Variants in PCLO observed in about 807,000 individuals in gnomAD.
PCLO encodes piccolo presynaptic cytomatrix protein, also known as protein piccolo.
Under a neutral mutation model 427.5 loss-of-function variants are expected in PCLO, and 82 were observed. That is an observed-to-expected ratio of 0.19 (90% CI 0.16 to 0.23). The LOEUF (loss-of-function observed/expected upper bound fraction) is 0.23. Among genes scored for constraint, PCLO ranks in the 10% least tolerant of loss-of-function variants. PCLO has a pLI of 1.00. For synonymous variants in PCLO, 2,357 were observed against 2,155.4 expected, an observed-to-expected ratio of 1.09 and a Z score of -2.59; for missense variants, 6,239 against 6,115.9, an observed-to-expected ratio of 1.02 and a Z score of -0.67.
rs771529063 is a variant in PCLO, at chr7:83,162,376, G to T, written c.217C>A (p.Pro73Thr). ...ATGGAAGGCGACTCCGCAGCGGCCG[G>T]GGGGACGCTTCCCTTGGGCAGCCCC... ...AQGLPKGSVP[P>T]AAAESPSMHR... The change falls in exon 1 of 25, where the codon CCG (proline) becomes ACG (threonine). Residue 73 changes from proline (P) to threonine (T), a missense_variant. Pro to Thr is a conservative substitution (Grantham distance 38). This residue lies in a region of PCLO where 4,677 missense variants were observed against 4,468.4 expected (regional missense o/e 1.05). Transcript: ENST00000333891. 8 of 1,600,752 alleles carry T rather than the reference G, an allele frequency of 5.0e-6. No individual in the cohort carries two copies. The highest frequency in any genetic ancestry group is 4.5e-5 in the South Asian group (4 of 88,834).
At chr7:82,838,025 A>C (rs1019412838) in intron 15 of PCLO, among the ~76,000 whole-genome samples, 193 bp downstream of exon 15, 15 of 151,966 alleles carry the variant, frequency 9.9e-5, no homozygotes, top group African/African-American at 3.6e-4. Context: ...GTTCTTCTAC[A>C]ACCCTGTAAG....
intron 22 of PCLO, among the ~76,000 whole-genome samples, chr7:82,792,790 A>T (rs1479299711): frequency 6.6e-6 from 1 of 152,166 alleles, no homozygotes; most frequent in Non-Finnish European, 1.5e-5. Flanking sequence ...CATATTTCTT[A>T]AAATAATTTT....
intron 3 of PCLO, among the ~76,000 whole-genome samples, chr7:83,015,977 A>T (rs956787717): frequency 5.4e-5 from 4 of 74,494 alleles, no homozygotes; most frequent in Non-Finnish European, 7.8e-5. Context: ...TCTTGTGTCT[A>T]TTTCCTTAAA....
At chr7:82,811,829 T>G (rs184325744) in intron 20 of PCLO, among the ~76,000 whole-genome samples, 35 of 151,520 alleles carry the variant, frequency 2.3e-4, no homozygotes, top group African/African-American at 6.5e-4. Flanking sequence ...TATCAGTCAT[T>G]TGTAAGTCGT....
At chr7:82,918,662 T>C (rs895973115) in intron 6 of PCLO, among the ~76,000 whole-genome samples, 6 of 152,054 alleles carry the variant, frequency 3.9e-5, no homozygotes, top group African/African-American at 1.2e-4. Context: ...GAAAACTACA[T>C]ACTATTTGTT....
intron 9 of PCLO, among the ~76,000 whole-genome samples, chr7:82,889,687 A>G (rs1562839508): frequency 4.6e-5 from 7 of 152,140 alleles, no homozygotes; most frequent in African/African-American, 1.4e-4. Flanking sequence ...AGCATTGTTT[A>G]TAATAATGGA....
At chr7:82,917,568 G>T (rs1329645697) in intron 6 of PCLO, among the ~76,000 whole-genome samples, 1 of 151,970 alleles carries the variant, frequency 6.6e-6, no homozygotes, top group East Asian at 1.9e-4. Flanking sequence ...TCATAAACTT[G>T]CTTTCTAAGA....
chr7:82,943,737 T>C (rs1005349318), intron 6 of PCLO, among the ~76,000 whole-genome samples: 8 of 151,916 alleles, frequency 5.3e-5, no homozygotes, highest in Non-Finnish European at 1.0e-4. Context: ...GTTTATGGAA[T>C]TGTCATAAAC....
intron 3 of PCLO, among the ~76,000 whole-genome samples, chr7:83,031,745 CCT>C (rs777111767): frequency 2.8e-4 from 41 of 147,980 alleles, no homozygotes; most frequent in Non-Finnish European, 5.0e-4. Flanking sequence ...CCTCCCCCTC[CCT>C]CTCTCTCTCT....
Position 82,955,593 on chromosome 7 carries a change from T to C in PCLO, c.5360A>G (p.Lys1787Arg). The change falls in exon 5 of 25, where the codon AAG becomes AGG. Residue 1787 changes from lysine to arginine, a missense_variant. Coordinates refer to ENST00000333891, the MANE Select transcript of PCLO (RefSeq NM_033026.6). The stretch of plus-strand genomic sequence containing the variant: ...TATTTCCCTCTGCTTTTCTTGCTCC[T>C]TTAATAATTCTTCTTCCTCTCTCAA... ...EELREEEELL[K>R]EQEKQREIEQ... 1 of 1,613,972 alleles carries C rather than the reference T, an allele frequency of 6.2e-7. No individual in the cohort carries two copies. Among genetic ancestry groups the C allele is most frequent in the Non-Finnish European group, 8.5e-7 (1 of 1,179,868 alleles).
At chr7:82,840,290 G>C (rs2715158) in intron 14 of PCLO, among the ~76,000 whole-genome samples, 58,974 of 151,732 alleles carry the variant, frequency 0.39, 12,618 homozygotes, top group East Asian at 0.7. Context: ...TCTTAGTAAC[G>C]TGTCAACCTT....
At chr7:83,085,064 T>G (rs1007826213) in intron 3 of PCLO, among the ~76,000 whole-genome samples, 1 of 152,156 alleles carries the variant, frequency 6.6e-6, no homozygotes, top group Non-Finnish European at 1.5e-5. Flanking sequence ...CTTCCCTGTG[T>G]GCTTATCGTG....
At chr7:83,059,357 A>AAAAAAAATAT (rs1332566491) in intron 3 of PCLO, among the ~76,000 whole-genome samples, 4 of 111,814 alleles carry the variant, frequency 3.6e-5, no homozygotes, top group Non-Finnish European at 7.0e-5. Flanking sequence ...ACACCTTTAA[A>AAAAAAAATAT]ATATATATAT....
chr7:83,034,526 G>T (rs1788749033), intron 3 of PCLO, among the ~76,000 whole-genome samples: 1 of 152,164 alleles, frequency 6.6e-6, no homozygotes, highest in African/African-American at 2.4e-5. Context: ...CGGAAAAAAA[G>T]AGTCAAATGT....
chr7:83,096,898 A>T lies in PCLO; in HGVS notation c.3300+37352T>A, dbSNP rs1311913576. ...ATATAAATATATTATATAATATATT[A>T]ATATTATATTATCTAAATATATATA... On this transcript the variant is annotated intron_variant, in intron 3 of 24. Coordinates refer to ENST00000333891, the MANE Select transcript of PCLO (RefSeq NM_033026.6). Among the ~76,000 whole-genome samples, 4 of 59,050 alleles carry T rather than the reference A, an allele frequency of 6.8e-5. 1 individual carries two copies. The highest frequency in any genetic ancestry group is 9.2e-5 in the African/African-American group (1 of 10,846). The allele number at this position is 59,050 out of a possible 152,430, so 38.7% of individuals were successfully genotyped here.
chr7:82,827,285 G>T (rs1791967689), intron 17 of PCLO, among the ~76,000 whole-genome samples: 3 of 152,004 alleles, frequency 2.0e-5, no homozygotes, highest in Non-Finnish European at 4.4e-5. Flanking sequence ...GTTAAGCAAA[G>T]ATATAAAAAT....
intron 3 of PCLO, among the ~76,000 whole-genome samples, chr7:83,087,287 T>C (rs1036661684): frequency 1.7e-4 from 26 of 151,796 alleles, no homozygotes; most frequent in Admixed American, 4.6e-4. Context: ...ATGATGGACA[T>C]TGGAGACTCA....
intron 3 of PCLO, among the ~76,000 whole-genome samples, chr7:83,047,054 A>G (rs368777867): frequency 1.3e-5 from 2 of 152,182 alleles, no homozygotes; most frequent in South Asian, 2.1e-4. Context: ...TCTACTATGA[A>G]TATAAAGCAA....
chr7:82,951,760 C>T, intron 5 of PCLO, 96 bp downstream of exon 5: 1 of 1,477,756 alleles, frequency 6.8e-7, no homozygotes, highest in South Asian at 1.4e-5. Context: ...GAAAAAGTAA[C>T]AAAACTGGAA....
Sources: allele counts gnomAD v4.1 joint callset (sites outside exome capture counted in the v4.1 genomes callset), GRCh38; gene constraint gnomAD v4.1.1; regional missense constraint gnomAD v4.1.1; transcripts MANE v1.5; gene names NCBI Gene and HGNC (gene_info 2026-07-23, HGNC 2026-07-21).